The following GTF2IRD1 variants were observed in gnomAD, a reference collection of about 807,000 sequenced individuals.
GTF2IRD1 encodes general transcription factor II-I repeat domain-containing protein 1.
A neutral mutation model predicts 113.2 loss-of-function variants in GTF2IRD1; 26 were observed. The ratio of observed to expected loss-of-function variants is 0.23; its 90% CI spans 0.17 to 0.32. The LOEUF is 0.32. Among genes scored for constraint, GTF2IRD1 ranks in the 10% least tolerant of loss-of-function variants. The pLI is 1.00. For missense variants in GTF2IRD1, 864 were observed against 1,280.8 expected, an observed-to-expected ratio of 0.67 and a Z score of 4.97; for synonymous variants, 484 against 529.1, an observed-to-expected ratio of 0.91 and a Z score of 1.17.
Position 74,496,162 on chromosome 7 carries a change from C to A in GTF2IRD1, c.-6-11913C>A, listed in dbSNP as rs1025701080. Among the ~76,000 whole-genome samples the A allele has an allele frequency of 2.0e-5, 3 of 150,658 alleles. No individual in the cohort carries two copies. The South Asian group carries it at 6.3e-4, about 32-fold the overall frequency. On this transcript the variant is annotated intron_variant, in intron 1 of 26. Coordinates refer to ENST00000424337, the MANE Select transcript of GTF2IRD1 (RefSeq NM_005685.4). ...TGTGAGTGCATTGTGTGCACAAGTA[C>A]GTGTATGTGTGTATGCATGTGAGTG...
At chr7:74,518,017 C>G in intron 4 of GTF2IRD1, 122 bp from the exon 5 acceptor site, 2 of 598,598 alleles carry the variant, frequency 3.3e-6, no homozygotes, top group Non-Finnish European at 2.8e-6. Context: ...TATGAGGGGT[C>G]CATGGGAACC....
intron 22 of GTF2IRD1, among the ~76,000 whole-genome samples, chr7:74,569,868 T>C (rs1452242551): frequency 2.0e-5 from 3 of 151,998 alleles, no homozygotes; most frequent in Admixed American, 2.0e-4. Context: ...GGGCCCATAG[T>C]GAAACCTGAG....
At position 74,579,681 on chromosome 7, in the gene GTF2IRD1, T is replaced by C. The variant is rs75955075; in HGVS notation, c.2321-10170T>C. 3.3e-3 allele frequency among the ~76,000 whole-genome samples: 509 copies of C among 152,164 alleles called. 1 individual carries two copies. The highest frequency in any genetic ancestry group is 0.011 in the African/African-American group (465 of 41,518). On this transcript the variant is annotated intron_variant, in intron 22 of 26. Transcript: ENST00000424337. ...ATGGGTTTTTGGTAGAGACAGTGTC[T>C]TGCTGTCATTCCGGCTAGAGTCCAG...
chr7:74,587,685 C>T (rs1196825699), intron 22 of GTF2IRD1, among the ~76,000 whole-genome samples: 1 of 152,124 alleles, frequency 6.6e-6, no homozygotes, highest in Admixed American at 6.6e-5. Context: ...CCGTCCTCAA[C>T]CCTGGCACAA....
intron 14 of GTF2IRD1, among the ~76,000 whole-genome samples, chr7:74,541,347 C>T (rs1674538298): frequency 6.6e-6 from 1 of 151,400 alleles, no homozygotes; most frequent in Non-Finnish European, 1.5e-5. Flanking sequence ...TTTTAATTGA[C>T]TGACACAGTG....
chr7:74,496,033 A>T (rs1281801356), intron 1 of GTF2IRD1, among the ~76,000 whole-genome samples: 1 of 149,740 alleles, frequency 6.7e-6, no homozygotes, highest in Admixed American at 6.6e-5. Context: ...TGTGTGAGTG[A>T]GTGTGCATGT....
chr7:74,464,476 TC>T (rs1554330339), intron 1 of GTF2IRD1, among the ~76,000 whole-genome samples: 1 of 152,176 alleles, frequency 6.6e-6, no homozygotes, highest in African/African-American at 2.4e-5. Context: ...AAACAGAGTC[TC>T]CTTCTGTCAC....
rs1437101890 is a variant in GTF2IRD1, at chr7:74,512,317, A to G, written c.124-513A>G. Among the ~76,000 whole-genome samples, 1 of 152,176 alleles carries G rather than the reference A, an allele frequency of 6.6e-6. No homozygotes were observed. The highest frequency in any genetic ancestry group is 2.4e-5 in the African/African-American group (1 of 41,446). On this transcript the variant is annotated intron_variant, in intron 2 of 26. Transcript: ENST00000424337. This position sits in a 1 kb window ranked among gnomAD's most constrained non-coding sequence, Gnocchi z 4.4. ...CAGTGAACCAAGATTGTGCCACTGC[A>G]CTCCAGCCTGGGCGACAGAGTGAGA...
intron 24 of GTF2IRD1, among the ~76,000 whole-genome samples, chr7:74,593,732 CAAAAAAAA>C (rs1554370932): frequency 1.2e-5 from 1 of 81,640 alleles, no homozygotes; most frequent in Non-Finnish European, 2.4e-5. Flanking sequence ...GACTCCATCT[CAAAAAAAA>C]AAAAAAAAAA....
intron 20 of GTF2IRD1, among the ~76,000 whole-genome samples, chr7:74,558,225 G>A (rs1229401649): frequency 6.8e-6 from 1 of 147,936 alleles, no homozygotes; most frequent in Non-Finnish European, 1.5e-5. Flanking sequence ...GTTGCAGTGA[G>A]CTGAGATCGC....
intron 1 of GTF2IRD1, among the ~76,000 whole-genome samples, chr7:74,466,922 G>A (rs1793752134): frequency 6.6e-6 from 1 of 151,782 alleles, no homozygotes; most frequent in African/African-American, 2.4e-5. Context: ...GGCCCATGAA[G>A]GGTGGGGGCC....
chr7:74,585,551 G>A (rs1453322874), intron 22 of GTF2IRD1, among the ~76,000 whole-genome samples: 1 of 152,120 alleles, frequency 6.6e-6, no homozygotes, highest in African/African-American at 2.4e-5. Flanking sequence ...ACAGATTAGA[G>A]GAAACTATCT....
intron 22 of GTF2IRD1, among the ~76,000 whole-genome samples, chr7:74,562,453 G>A (rs192669538): frequency 2.6e-3 from 385 of 150,842 alleles, no homozygotes; most frequent in African/African-American, 9.1e-3. Context: ...CTTCCTTACC[G>A]CCAAGATGGA....
At chr7:74,550,730 A>C (rs1799258799) in intron 17 of GTF2IRD1, among the ~76,000 whole-genome samples, 1 of 152,134 alleles carries the variant, frequency 6.6e-6, no homozygotes, top group Admixed American at 6.6e-5. Context: ...CAATGTATCA[A>C]GACCCCATCT....
chr7:74,571,503 A>C lies in GTF2IRD1; in HGVS notation c.2320+11848A>C, dbSNP rs189751407. Among the ~76,000 whole-genome samples the C allele has an allele frequency of 2.0e-5, 3 of 152,302 alleles. No individual in the cohort carries two copies. The East Asian group carries it at 5.8e-4, about 29-fold the overall frequency. On this transcript the variant is annotated intron_variant, in intron 22 of 26. Coordinates refer to ENST00000424337, the MANE Select transcript of GTF2IRD1 (RefSeq NM_005685.4). ...TTGGTGGGCTCCAGTTTTATCTAGG[A>C]CATCCCCACATCGTCTCCTCTGTAA...
intron 17 of GTF2IRD1, among the ~76,000 whole-genome samples, chr7:74,552,119 C>A (rs112595078): frequency 6.7e-6 from 1 of 150,296 alleles, no homozygotes; most frequent in Non-Finnish European, 1.5e-5. Context: ...GGCGTGTGGC[C>A]CACGCCTGTA....
chr7:74,534,073 A>T (rs1798136727), intron 9 of GTF2IRD1, among the ~76,000 whole-genome samples: 1 of 151,546 alleles, frequency 6.6e-6, no homozygotes, highest in South Asian at 2.1e-4. Flanking sequence ...TGCTGCCACG[A>T]TCGGTTGGCA....
chr7:74,572,785 G>A (rs782375234), intron 22 of GTF2IRD1, among the ~76,000 whole-genome samples: 1 of 152,156 alleles, frequency 6.6e-6, no homozygotes, highest in Admixed American at 6.6e-5. Flanking sequence ...CCAGCCACAT[G>A]TTTCTCCACT....
At chr7:74,521,324 G>A (rs1222588182) in intron 7 of GTF2IRD1, 27 bp downstream of exon 7, 27 of 1,331,852 alleles carry the variant, frequency 2.0e-5, no homozygotes, top group East Asian at 4.6e-5. Context: ...GAAGCACCCC[G>A]GCCTGAGTGG....
Sources: allele counts gnomAD v4.1 joint callset (sites outside exome capture counted in the v4.1 genomes callset), GRCh38; gene constraint gnomAD v4.1.1; non-coding constraint Gnocchi (gnomAD v3.1); transcripts MANE v1.5; gene names NCBI Gene and HGNC (gene_info 2026-07-23, HGNC 2026-07-21).